The following FRMPD4 variants were observed in gnomAD, a reference collection of about 807,000 sequenced individuals.
The protein encoded by FRMPD4 is FERM and PDZ domain-containing protein 4.
FRMPD4 carries 22 observed loss-of-function variants against 94.1 expected under a neutral mutation model. The observed-to-expected ratio is 0.23, with a 90% CI of 0.17 to 0.33. The LOEUF (loss-of-function observed/expected upper bound fraction) is 0.33. Ranked by LOEUF, FRMPD4 falls within the 10% of genes least tolerant of loss-of-function variation. The pLI is 1.00. For synonymous variants in FRMPD4, 631 were observed against 548.6 expected (o/e 1.15, Z -2.10); for missense variants, 1,111 against 1,339.9 (o/e 0.83, Z 2.67).
intron 3 of FRMPD4, among the ~76,000 whole-genome samples, chrX:12,079,325 A>T (rs1051526693): frequency 9.0e-6 from 1 of 110,697 alleles, no homozygotes; most frequent in Non-Finnish European, 1.9e-5. Flanking sequence ...CAATGTACCT[A>T]GTAGTTGAAA....
intron 2 of FRMPD4, among the ~76,000 whole-genome samples, chrX:12,504,238 A>C (rs1473398460): frequency 8.8e-6 from 1 of 113,032 alleles, no homozygotes; most frequent in African/African-American, 3.2e-5. Context: ...TGTGAGGTGT[A>C]TAAGCATCCA....
chrX:12,100,982 C>G (rs958558283), intron 3 of FRMPD4, among the ~76,000 whole-genome samples: 1 of 112,018 alleles, frequency 8.9e-6, no homozygotes, highest in Non-Finnish European at 1.9e-5. Context: ...CTCTTACAAA[C>G]GTATTTAAGA....
chrX:12,595,621 T>C (rs1335675994), intron 2 of FRMPD4, among the ~76,000 whole-genome samples: 2 of 112,229 alleles, frequency 1.8e-5, no homozygotes, highest in African/African-American at 6.5e-5. Context: ...TCCAAATGAA[T>C]CTAACAATAT....
intron 2 of FRMPD4, among the ~76,000 whole-genome samples, chrX:12,512,160 T>G (rs969702507): frequency 8.9e-6 from 1 of 112,639 alleles, no homozygotes; most frequent in African/African-American, 3.2e-5. Flanking sequence ...AATTAAGGTG[T>G]GTACATTGTT....
At chrX:12,517,937 G>A (rs190172604) in intron 2 of FRMPD4, among the ~76,000 whole-genome samples, 98 of 112,294 alleles carry the variant, frequency 8.7e-4, no homozygotes, top group African/African-American at 2.9e-3. Context: ...GGCCCCGCCC[G>A]GTGAGTAGAG....
At chrX:12,576,229 G>A (rs1482871410) in intron 2 of FRMPD4, among the ~76,000 whole-genome samples, 4 of 112,527 alleles carry the variant, frequency 3.6e-5, no homozygotes, top group Non-Finnish European at 5.6e-5. Context: ...ATGGGCTATC[G>A]TTAGATGCTC....
Position 12,613,260 on chromosome X carries a change from C to G in FRMPD4, c.320-1519C>G, listed in dbSNP as rs1257596242. ...TACTTAAATATAGATGTATGCTTCA[C>G]TCAGATGTGGTTTTAAGTTTATGTG... On this transcript the variant is annotated intron_variant, in intron 3 of 16. Coordinates refer to ENST00000675598, the MANE Select transcript of FRMPD4 (RefSeq NM_001368397.1). 2.7e-5 allele frequency among the ~76,000 whole-genome samples: 3 copies of G among 111,808 alleles called. No homozygotes were observed. The Admixed American group carries it at 2.8e-4, about 11-fold the overall frequency.
chrX:12,642,801 G>A (rs2059511993), intron 4 of FRMPD4, among the ~76,000 whole-genome samples: 1 of 112,292 alleles, frequency 8.9e-6, no homozygotes, highest in African/African-American at 3.2e-5. Flanking sequence ...TGCTTGGTAG[G>A]CTGAAGTAGG....
chrX:12,227,911 ATG>A (rs756198368), intron 1 of FRMPD4, among the ~76,000 whole-genome samples: 1 of 102,594 alleles, frequency 9.7e-6, no homozygotes, highest in African/African-American at 3.6e-5. Flanking sequence ...AGGGGTGTGT[ATG>A]TGTGTGTGTG....
intron 1 of FRMPD4, among the ~76,000 whole-genome samples, chrX:12,363,674 A>G (rs1283272920): frequency 8.9e-6 from 1 of 112,474 alleles, no homozygotes; most frequent in African/African-American, 3.2e-5. Context: ...CCAACCAAAT[A>G]CAGTTGCAGG....
chrX:11,942,771 A>G (rs1430779122), intron 3 of FRMPD4, among the ~76,000 whole-genome samples: 3 of 111,795 alleles, frequency 2.7e-5, no homozygotes, highest in Non-Finnish European at 5.6e-5. Flanking sequence ...TTTTAGTGCA[A>G]TGTTGTGCGA....
At chrX:12,363,822 T>G (rs1441982891) in intron 1 of FRMPD4, among the ~76,000 whole-genome samples, 1 of 111,686 alleles carries the variant, frequency 9.0e-6, no homozygotes, top group Non-Finnish European at 1.9e-5. Flanking sequence ...GGTGACAAGT[T>G]GCCAACATGA....
intron 1 of FRMPD4, among the ~76,000 whole-genome samples, chrX:12,419,761 GTTC>G (rs1466062275): frequency 8.1e-5 from 9 of 111,553 alleles, no homozygotes; most frequent in Admixed American, 7.6e-4. Context: ...GTTCTTGACC[GTTC>G]TTCTGGAAAT....
At chrX:12,543,337 T>C (rs1217301206) in intron 2 of FRMPD4, among the ~76,000 whole-genome samples, 1 of 111,610 alleles carries the variant, frequency 9.0e-6, no homozygotes, top group African/African-American at 3.3e-5. Context: ...TGCAGTCTAC[T>C]CATCTGACAA....
intron 3 of FRMPD4, among the ~76,000 whole-genome samples, chrX:12,044,695 G>T (rs1375168046): frequency 2.7e-5 from 3 of 111,534 alleles, no homozygotes; most frequent in African/African-American, 9.8e-5. Context: ...TAAGTCTTAG[G>T]TCTAAAGTTC....
intron 4 of FRMPD4, among the ~76,000 whole-genome samples, chrX:12,669,102 ATCCAT>A (rs2059813064): frequency 1.8e-5 from 2 of 111,665 alleles, no homozygotes; most frequent in Non-Finnish European, 3.8e-5. Flanking sequence ...CGGGATGTCC[ATCCAT>A]CATTATGTTA....
Position 12,274,459 on chromosome X carries a change from G to A in FRMPD4, c.41+135447G>A, listed in dbSNP as rs1442848925. On this transcript the variant is annotated intron_variant, in intron 1 of 16. Transcript: ENST00000675598. ...TTAACTTCTGTGAAAAAGAGATAGT[G>A]CTTATGGAACAATAAAGCAAAGAAA... Among the ~76,000 whole-genome samples, 6 of 112,376 alleles carry A rather than the reference G, an allele frequency of 5.3e-5. No homozygotes were observed. The East Asian group carries it at 1.1e-3, about 21-fold the overall frequency.
In FRMPD4 at chrX:12,351,901, C is replaced by T. The variant is rs753880945; in HGVS notation, c.42-146779C>T. On this transcript the variant is annotated intron_variant, in intron 1 of 16. Transcript: ENST00000675598. The stretch of plus-strand genomic sequence containing the variant: ...ACAAATTACTTAGTCATTAAATTGT[C>T]GATGGACATTTGAGTCATTTCCAAT... Among the ~76,000 whole-genome samples the T allele has an allele frequency of 2.7e-5, 3 of 112,496 alleles. No homozygotes were observed. In the South Asian group the frequency reaches 1.1e-3, roughly 41 times the overall value.
In FRMPD4 at chrX:12,024,313, C is replaced by T. The variant is rs567058845; in HGVS notation, c.95+146295C>T. Among the ~76,000 whole-genome samples, 16 of 111,668 alleles carry T rather than the reference C, an allele frequency of 1.4e-4. No individual in the cohort carries two copies. The South Asian group carries it at 5.6e-3, about 39-fold the overall frequency. On this transcript the variant is annotated intron_variant, in intron 3 of 18. Coordinates refer to the FRMPD4 transcript ENST00000640291. ...CATACATACTCATGCATGTACACAC[C>T]CACATATTCAGGCACTTATATACCA...
Sources: gnomAD v4.1 joint callset for allele counts (sites outside exome capture counted in the v4.1 genomes callset) on GRCh38, gnomAD v4.1.1 for gene constraint, MANE v1.5 for transcripts, NCBI Gene and HGNC (gene_info 2026-07-23, HGNC 2026-07-21) for gene names.